The following PATJ variants were observed in gnomAD, a reference collection of about 807,000 sequenced individuals.
PATJ encodes the protein PATJ crumbs cell polarity complex component, also known as inaD-like protein.
PATJ carries 190 observed loss-of-function variants against 224.9 expected under a neutral mutation model. The observed-to-expected ratio is 0.84, with a 90% confidence interval of 0.75 to 0.95. The LOEUF is 0.95. Ranked by LOEUF, PATJ falls within the 40% of genes least tolerant of loss-of-function variation. The pLI is 0.00. For missense variants in PATJ, 2,121 were observed against 2,270.3 expected (o/e 0.93, Z 1.34); for synonymous variants, 769 against 820.3 (o/e 0.94, Z 1.07).
intron 27 of PATJ, among the ~76,000 whole-genome samples, chr1:61,935,555 G>A (rs1676721600): frequency 6.6e-6 from 1 of 152,102 alleles, no homozygotes; most frequent in African/African-American, 2.4e-5. Flanking sequence ...CACTTTGGGA[G>A]GCCAAGGCGA....
At chr1:61,781,358 T>G (rs932543613) in intron 7 of PATJ, among the ~76,000 whole-genome samples, 7 of 152,226 alleles carry the variant, frequency 4.6e-5, no homozygotes, top group Non-Finnish European at 8.8e-5. Flanking sequence ...TCATGTCAGC[T>G]GATGGCAGAT....
intron 3 of PATJ, among the ~76,000 whole-genome samples, chr1:61,765,477 G>A (rs996369903): frequency 6.6e-6 from 1 of 151,810 alleles, no homozygotes; most frequent in African/African-American, 2.4e-5. Context: ...TCCACCTGCG[G>A]GATTCAAGCA....
intron 27 of PATJ, among the ~76,000 whole-genome samples, chr1:61,938,283 A>G (rs1203628744): frequency 6.6e-6 from 1 of 152,212 alleles, no homozygotes; most frequent in Non-Finnish European, 1.5e-5. Context: ...ATGGTCCCTT[A>G]CAAGGAAGAA....
At chr1:62,048,965 A>G (rs886899430) in intron 30 of PATJ, among the ~76,000 whole-genome samples, 6 of 152,142 alleles carry the variant, frequency 3.9e-5, no homozygotes, top group African/African-American at 1.4e-4. Flanking sequence ...TGGATAAGGG[A>G]TACTTAACCT....
chr1:62,034,320 G>A (rs1361493355), intron 29 of PATJ, among the ~76,000 whole-genome samples: 2 of 151,886 alleles, frequency 1.3e-5, no homozygotes, highest in African/African-American at 2.4e-5. Context: ...GCACACGCCT[G>A]TAGTCCCAGC....
intron 28 of PATJ, among the ~76,000 whole-genome samples, chr1:62,010,756 G>A (rs1646398879): frequency 6.6e-6 from 1 of 152,184 alleles, no homozygotes; most frequent in South Asian, 2.1e-4. Context: ...GGCTGGGGAA[G>A]CTTCAGGAAA....
Position 61,797,359 on chromosome 1 carries a change from G to T in PATJ, c.1333G>T (p.Val445Leu), listed in dbSNP as rs767409399. ...VEVLRNAGQV[V>L]HLTLVRRKTS... Reference sequence around the variant, plus strand: ...AGTATTACGAAATGCAGGGCAGGTGGTACACCTAACCCTAGTTCGAAGGAA... The same window carrying T: ...AGTATTACGAAATGCAGGGCAGGTGTTACACCTAACCCTAGTTCGAAGGAA... The change falls in exon 11 of 44, where the codon GTA becomes TTA. Residue 445 changes from valine (V) to leucine (L), a missense_variant. Transcript: ENST00000642238. 6.2e-7 allele frequency: 1 copy of T among 1,613,848 alleles called. No homozygotes were observed.
At chr1:61,812,377 A>AGTGTGT in intron 14 of PATJ, among the ~76,000 whole-genome samples, 1 of 136,676 alleles carries the variant, frequency 7.3e-6, no homozygotes, top group East Asian at 2.2e-4. Context: ...AGAGAGAGAG[A>AGTGTGT]GAGAGAGAGA....
chr1:61,951,657 CT>C (rs1334508808), intron 27 of PATJ, among the ~76,000 whole-genome samples: 4 of 151,980 alleles, frequency 2.6e-5, no homozygotes, highest in Admixed American at 1.3e-4. Flanking sequence ...TTTTTCCCCC[CT>C]GAAAGCTAAC....
At chr1:61,982,008 C>T (rs1644477678) in intron 27 of PATJ, among the ~76,000 whole-genome samples, 1 of 151,970 alleles carries the variant, frequency 6.6e-6, no homozygotes, top group African/African-American at 2.4e-5. Context: ...CTATTCCCTT[C>T]CTCTGAGTAT....
chr1:61,949,790 T>C (rs1311102061), intron 27 of PATJ, among the ~76,000 whole-genome samples: 1 of 150,852 alleles, frequency 6.6e-6, no homozygotes, highest in East Asian at 2.0e-4. Context: ...CCTGTAATAC[T>C]GGCTACTTGG....
intron 29 of PATJ, among the ~76,000 whole-genome samples, chr1:62,034,578 C>T (rs1396890015): frequency 6.6e-6 from 1 of 152,154 alleles, no homozygotes; most frequent in South Asian, 2.1e-4. Context: ...TAAATGCCTT[C>T]TCTCCTTTGG....
intron 9 of PATJ, among the ~76,000 whole-genome samples, chr1:61,795,255 G>A (rs1650834705): frequency 6.6e-6 from 1 of 152,040 alleles, no homozygotes; most frequent in Admixed American, 6.6e-5. Context: ...TATTTTAACG[G>A]AAGAGTAGTC....
At chr1:61,970,306 C>T (rs1441776714) in intron 27 of PATJ, among the ~76,000 whole-genome samples, 5 of 151,910 alleles carry the variant, frequency 3.3e-5, no homozygotes, top group Non-Finnish European at 4.4e-5. Flanking sequence ...CACCGACACA[C>T]GGGCAACCTC....
intron 26 of PATJ, among the ~76,000 whole-genome samples, chr1:61,924,237 A>G (rs1317247684): frequency 6.6e-6 from 1 of 152,014 alleles, no homozygotes; most frequent in Non-Finnish European, 1.5e-5. Context: ...GTGTGGTGGT[A>G]CGAGCTTGTA....
At chr1:61,745,366 C>T (rs1264455009) in intron 1 of PATJ, among the ~76,000 whole-genome samples, 50 of 151,786 alleles carry the variant, frequency 3.3e-4, no homozygotes, top group Admixed American at 3.1e-3. Context: ...CTCCACTTCC[C>T]GGGTTCAAGT....
chr1:61,773,774 ACT>A (rs1646753936), intron 6 of PATJ, among the ~76,000 whole-genome samples: 1 of 149,964 alleles, frequency 6.7e-6, no homozygotes, highest in Admixed American at 6.7e-5. Context: ...ACAGAGTGAG[ACT>A]CTGTCTCAAA....
intron 41 of PATJ, among the ~76,000 whole-genome samples, chr1:62,135,298 G>A (rs1178048432): frequency 1.3e-5 from 2 of 151,876 alleles, no homozygotes; most frequent in Non-Finnish European, 1.5e-5. Context: ...GGGGGGGATC[G>A]CTTCAGGTCA....
chr1:62,026,938 G>A (rs914775457), intron 29 of PATJ, among the ~76,000 whole-genome samples: 1 of 152,314 alleles, frequency 6.6e-6, no homozygotes, highest in East Asian at 1.9e-4. Flanking sequence ...ATTATTTGCT[G>A]TAGCCAAAAG....
Sources: gnomAD v4.1 joint callset for allele counts (sites outside exome capture counted in the v4.1 genomes callset) on GRCh38, gnomAD v4.1.1 for gene constraint, MANE v1.5 for transcripts, NCBI Gene and HGNC (gene_info 2026-07-23, HGNC 2026-07-21) for gene names.